Variants in CLSTN3 observed in about 807,000 individuals in gnomAD.
The protein encoded by CLSTN3 is calsyntenin 3.
CLSTN3 carries 36 observed loss-of-function variants against 95.9 expected under a neutral mutation model. The ratio of observed to expected loss-of-function variants is 0.38; its 90% CI spans 0.29 to 0.50. The LOEUF is 0.50. Ranked by LOEUF, CLSTN3 falls within the 20% of genes least tolerant of loss-of-function variation. CLSTN3 has a pLI of 0.95. For missense variants in CLSTN3, 1,084 were observed against 1,268.8 expected (o/e 0.85, Z 2.21); for synonymous variants, 481 against 504.0 (o/e 0.95, Z 0.61).
At chr12:7,143,434 C>T (rs924630209) in intron 12 of CLSTN3, 123 bp downstream of exon 12, 5 of 1,101,046 alleles carry the variant, frequency 4.5e-6, no homozygotes, top group Non-Finnish European at 3.8e-6. Context: ...GGAGATTGGG[C>T]CCTCAAATGG....
At chr12:7,148,304 G>A (rs4883053) in intron 12 of CLSTN3, among the ~76,000 whole-genome samples, 139,421 of 152,256 alleles carry the variant, frequency 0.92, 64,982 homozygotes, top group East Asian at 1. Context: ...GTGATCCTGG[G>A]AGCATCACTG....
At chr12:7,136,093 G>A in intron 5 of CLSTN3, 113 bp from the exon 6 acceptor site, 1 of 1,497,184 alleles carries the variant, frequency 6.7e-7, no homozygotes, top group Non-Finnish European at 9.0e-7. Context: ...CTCTAGCCGG[G>A]CCATCCTGCC....
intron 16 of CLSTN3, among the ~76,000 whole-genome samples, chr12:7,152,372 ATAACT>A (rs1359774075): frequency 6.6e-6 from 1 of 152,226 alleles, no homozygotes; most frequent in Non-Finnish European, 1.5e-5. Context: ...TTTTTTGGAC[ATAACT>A]TGCTTTTGAC....
intron 8 of CLSTN3, among the ~76,000 whole-genome samples, chr12:7,139,468 G>C: frequency 6.6e-6 from 1 of 152,160 alleles, no homozygotes; most frequent in African/African-American, 2.4e-5. Flanking sequence ...AGTGCGGTTG[G>C]AGTACAGTGA....
At chr12:7,131,019 G>A (rs1939289391) in intron 1 of CLSTN3, 6 of 495,152 alleles carry the variant, frequency 1.2e-5, no homozygotes, top group African/African-American at 1.9e-5. Context: ...ACACGCTGGT[G>A]GCTACCTCGG....
In CLSTN3 at chr12:7,150,902, G is replaced by A; in HGVS notation, c.2392-26G>A. The A allele has an allele frequency of 6.4e-7, 1 of 1,563,030 alleles. No homozygotes were observed. Among genetic ancestry groups the A allele is most frequent in the Non-Finnish European group, 8.7e-7 (1 of 1,150,368 alleles). On this transcript the variant is annotated intron_variant, in intron 15 of 17. Coordinates refer to ENST00000266546, the MANE Select transcript of CLSTN3 (RefSeq NM_014718.4). This position sits in a 1 kb window ranked among gnomAD's most constrained non-coding sequence, Gnocchi z 4.0. The stretch of plus-strand genomic sequence containing the variant: ...GGGAGGACCTGGGAGAAGCGTGTGT[G>A]CCCATGGAGCCCTCCCTCTGCCCAG...
In CLSTN3 at chr12:7,149,643, A is replaced by G; in HGVS notation, c.2195A>G (p.Gln732Arg). The G allele has an allele frequency of 6.2e-7, 1 of 1,614,208 alleles. No individual in the cohort carries two copies. The highest frequency in any genetic ancestry group is 8.5e-7 in the Non-Finnish European group (1 of 1,180,034). The change falls in exon 14 of 18, where the codon CAG becomes CGG. Residue 732 changes from glutamine (Q) to arginine (R), a missense_variant. Gln to Arg is a conservative substitution (Grantham distance 43). Transcript: ENST00000266546. The surrounding 1 kb of genome is among the most constrained non-coding windows in gnomAD (Gnocchi z 4.5). ...CTGCTCCTGGACACAACCTCTCTGC[A>G]GCAGCGGGGGCTGGAGCTCACCAAC... ...ESLLLDTTSL[Q>R]QRGLELTNTS...
At chr12:7,151,131 C>T (rs999879560) in intron 16 of CLSTN3, 68 bp downstream of exon 16, 2 of 1,452,748 alleles carry the variant, frequency 1.4e-6, no homozygotes, top group Non-Finnish European at 1.8e-6. Flanking sequence ...GACAGGTATC[C>T]TCCCCCTCCA....
At chr12:7,146,505 T>C (rs748824336) in intron 12 of CLSTN3, among the ~76,000 whole-genome samples, 1 of 152,154 alleles carries the variant, frequency 6.6e-6, no homozygotes, top group Non-Finnish European at 1.5e-5. Context: ...TCTACTCCCC[T>C]TAGTAAGCTT....
chr12:7,135,689 T>G (rs1591614300), intron 4 of CLSTN3, 115 bp from the exon 5 acceptor site: 6 of 1,417,608 alleles, frequency 4.2e-6, no homozygotes, highest in Non-Finnish European at 5.8e-6. Flanking sequence ...ATGCCTTTTT[T>G]CCCAGCGTCC....
chr12:7,142,152 T>C lies in CLSTN3; in HGVS notation c.1540+13T>C. ...GACACCACCCAAGGTACTCCGTGTGTAAGAACTGGAGACCAGAGAGTTCTC... is the reference window on the plus strand; with the variant it reads ...GACACCACCCAAGGTACTCCGTGTGCAAGAACTGGAGACCAGAGAGTTCTC... On this transcript the variant is annotated intron_variant, in intron 10 of 17. Coordinates refer to ENST00000266546, the MANE Select transcript of CLSTN3 (RefSeq NM_014718.4). 1 of 1,601,896 alleles carries C rather than the reference T, an allele frequency of 6.2e-7. No homozygotes were observed. The highest frequency in any genetic ancestry group is 8.5e-7 in the Non-Finnish European group (1 of 1,170,084).
intron 8 of CLSTN3, among the ~76,000 whole-genome samples, chr12:7,138,284 G>A (rs1486563595): frequency 2.0e-5 from 3 of 148,686 alleles, no homozygotes; most frequent in Admixed American, 6.6e-5. Context: ...AAAAAAAAAA[G>A]GGAACAAATG....
chr12:7,135,269 G>A, intron 3 of CLSTN3, 58 bp from the exon 4 acceptor site: 2 of 1,528,118 alleles, frequency 1.3e-6, no homozygotes, highest in Non-Finnish European at 1.8e-6. Flanking sequence ...GTATCTCAAT[G>A]TATAATGTCG....
Position 7,141,405 on chromosome 12 carries a change from G to A in CLSTN3, c.1486+1G>A, listed in dbSNP as rs377691953. On this transcript the variant is annotated splice_donor_variant, in intron 9 of 17. Coordinates refer to ENST00000266546, the MANE Select transcript of CLSTN3 (RefSeq NM_014718.4). LOFTEE classifies it high-confidence loss of function. This position sits in a 1 kb window ranked among gnomAD's most constrained non-coding sequence, Gnocchi z 4.1. ...CTCATGATTGGGGCCTGCTGGACTG[G>A]TAAGCTTCTCAGTGAAGACTCCAGT... 10 of 1,614,068 alleles carry A rather than the reference G, an allele frequency of 6.2e-6. No individual in the cohort carries two copies. The highest frequency in any genetic ancestry group is 8.5e-6 in the Non-Finnish European group (10 of 1,180,038).
At chr12:7,131,659 G>A in intron 1 of CLSTN3, 2 of 408,398 alleles carry the variant, frequency 4.9e-6, no homozygotes, top group Non-Finnish European at 9.9e-6. Context: ...AGACAAGCAG[G>A]GTGGGAGGGG....
rs1446478656 is a variant in CLSTN3, at chr12:7,142,910, G to C, written c.1582G>C (p.Ala528Pro). ...CCACCACTACTTCCATGGCTACCTG[G>C]CTGGTTTCAGCGTGCGCTCAGGTCG... ...SIHHYFHGYL[A>P]GFSVRSGRLE... The change falls in exon 11 of 18, where the codon GCT becomes CCT. Residue 528 changes from alanine to proline, a missense_variant. Ala to Pro is a conservative substitution (Grantham distance 27). Coordinates refer to ENST00000266546, the MANE Select transcript of CLSTN3 (RefSeq NM_014718.4). 1 of 1,614,032 alleles carries C rather than the reference G, an allele frequency of 6.2e-7. No homozygotes were observed. Among genetic ancestry groups the C allele is most frequent in the Admixed American group, 1.7e-5 (1 of 60,016 alleles).
intron 1 of CLSTN3, 59 bp downstream of exon 1, chr12:7,130,771 T>C: frequency 1.1e-6 from 1 of 882,368 alleles, no homozygotes; most frequent in East Asian, 2.9e-5. Context: ...CCGTGCGGGG[T>C]GGGGGTGGGA....
chr12:7,154,159 C>T (rs1014331320), intron 16 of CLSTN3, among the ~76,000 whole-genome samples: 3 of 152,226 alleles, frequency 2.0e-5, no homozygotes, highest in Admixed American at 2.0e-4. Flanking sequence ...GCATAAAACC[C>T]TTTCCATATG....
intron 11 of CLSTN3, 55 bp from the exon 12 acceptor site, chr12:7,143,108 C>G: frequency 6.3e-7 from 1 of 1,599,944 alleles, no homozygotes; most frequent in Non-Finnish European, 8.5e-7. Flanking sequence ...CCTCTGCTCC[C>G]TTCCTCTGCC....
Sources: allele counts gnomAD v4.1 joint callset (sites outside exome capture counted in the v4.1 genomes callset), GRCh38; gene constraint gnomAD v4.1.1; non-coding constraint Gnocchi (gnomAD v3.1); transcripts MANE v1.5; gene names NCBI Gene and HGNC (gene_info 2026-07-23, HGNC 2026-07-21).